DLG2: variants seen among roughly 807,000 people sequenced by gnomAD.
DLG2 encodes the protein discs large MAGUK scaffold protein 2.
Under a neutral mutation model 132.5 loss-of-function variants are expected in DLG2, and 45 were observed. The observed-to-expected ratio is 0.34, with a 90% CI of 0.27 to 0.44. The LOEUF (loss-of-function observed/expected upper bound fraction) is 0.44. Ranked by LOEUF, DLG2 falls within the 20% of genes least tolerant of loss-of-function variation. The probability of loss-of-function intolerance (pLI) is 1.00; values close to 1 mark genes in which losing one functional copy is unlikely to be tolerated. For missense variants in DLG2, 1,045 were observed against 1,196.9 expected, an observed-to-expected ratio of 0.87 and a Z score of 1.87; for synonymous variants, 424 against 419.6, an observed-to-expected ratio of 1.01 and a Z score of -0.13.
At chr11:83,961,092 T>C (rs1591882482) in intron 14 of DLG2, among the ~76,000 whole-genome samples, 1 of 152,190 alleles carries the variant, frequency 6.6e-6, no homozygotes, top group African/African-American at 2.4e-5. Context: ...TTACTGTAAA[T>C]AGATAACATT....
chr11:83,664,568 AT>A (rs1478601007), intron 18 of DLG2, among the ~76,000 whole-genome samples: 2 of 152,120 alleles, frequency 1.3e-5, no homozygotes, highest in Non-Finnish European at 2.9e-5. Context: ...ATGGTTTGGA[AT>A]TAAATGAGGG....
At position 85,330,786 on chromosome 11, in the gene DLG2, AAAAATT is replaced by A. The variant is rs1465945610; in HGVS notation, c.41-45427_41-45422del. 8.8e-5 allele frequency among the ~76,000 whole-genome samples: 9 copies of A among 102,746 alleles called. No individual in the cohort carries two copies. The East Asian group carries it at 9.1e-4, about 10-fold the overall frequency. The allele number at this position is 102,746 out of a possible 152,430, so 67.4% of individuals were successfully genotyped here. On this transcript the variant is annotated intron_variant, in intron 3 of 27. Coordinates refer to ENST00000376104, the MANE Select transcript of DLG2 (RefSeq NM_001142699.3). ...AAAACTTAGAGTATAATAAAAAAAA[AAAAATT>A]AAAAAAAAAAAAAAAAAAAAGAAAA...
In DLG2 at chr11:84,733,942, G is replaced by A. The variant is rs192235126; in HGVS notation, c.358-199211C>T. Among the ~76,000 whole-genome samples, 751 of 152,178 alleles carry A rather than the reference G, an allele frequency of 4.9e-3. 17 individuals are homozygous for A. The highest frequency in any genetic ancestry group is 2.8e-3 in the Admixed American group (43 of 15,272). ...TTGTCAGGTTTGTCAAAGATCAGAT[G>A]GTTGTAGATATGTGGTATTATTTCT... is the stretch of plus-strand genomic sequence containing the variant. On this transcript the variant is annotated intron_variant, in intron 6 of 27. Transcript: ENST00000376104.
chr11:84,634,579 T>A (rs1302887268), intron 6 of DLG2, among the ~76,000 whole-genome samples: 2 of 152,218 alleles, frequency 1.3e-5, no homozygotes, highest in African/African-American at 4.8e-5. Flanking sequence ...CCTTCATTTT[T>A]CTGTCCATAA....
intron 16 of DLG2, among the ~76,000 whole-genome samples, chr11:83,858,109 T>TC (rs2154042315): frequency 6.6e-6 from 1 of 152,262 alleles, no homozygotes; most frequent in Admixed American, 6.5e-5. Flanking sequence ...TCTAGCACAA[T>TC]GAAGCTGGGG....
At position 85,247,980 on chromosome 11, in the gene DLG2, A is replaced by T. The variant is rs187380853; in HGVS notation, c.186+37240T>A. Among the ~76,000 whole-genome samples the T allele has an allele frequency of 3.7e-4, 57 of 152,172 alleles. 2 individuals carry two copies. The highest frequency in any genetic ancestry group is 1.1e-3 in the African/African-American group (47 of 41,534). ...ACTTGCCACCCTGAAGAAACTTAAGACCTTATTTATATCAGCTCTCTGATC... is the reference window on the plus strand; with the variant it reads ...ACTTGCCACCCTGAAGAAACTTAAGTCCTTATTTATATCAGCTCTCTGATC... On this transcript the variant is annotated intron_variant, in intron 4 of 27. Transcript: ENST00000376104.
chr11:85,268,417 T>C (rs1170993894), intron 4 of DLG2, among the ~76,000 whole-genome samples: 6 of 152,204 alleles, frequency 3.9e-5, no homozygotes, highest in South Asian at 2.1e-4. Context: ...ACTGAACCAA[T>C]GGACTTCTTA....
chr11:84,790,146 T>A (rs1389852628), intron 6 of DLG2, among the ~76,000 whole-genome samples: 4 of 152,206 alleles, frequency 2.6e-5, no homozygotes, highest in Non-Finnish European at 5.9e-5. Flanking sequence ...TATTTAGTTT[T>A]TTTTAGGAAC....
At chr11:85,601,810 TC>T (rs2080183281) in intron 2 of DLG2, among the ~76,000 whole-genome samples, 1 of 152,216 alleles carries the variant, frequency 6.6e-6, no homozygotes, top group African/African-American at 2.4e-5. Flanking sequence ...ATTTATTAGT[TC>T]CCTCTAATTT....
At chr11:84,245,897 C>T (rs2097296386) in intron 8 of DLG2, among the ~76,000 whole-genome samples, 1 of 152,222 alleles carries the variant, frequency 6.6e-6, no homozygotes, top group Non-Finnish European at 1.5e-5. Context: ...CAAATACTCA[C>T]TCTTCCCCTA....
At chr11:84,904,782 G>A (rs563594539) in intron 6 of DLG2, among the ~76,000 whole-genome samples, 3 of 152,196 alleles carry the variant, frequency 2.0e-5, no homozygotes, top group East Asian at 3.9e-4. Flanking sequence ...CCCTGCCAAG[G>A]CCCTGCCAAA....
chr11:84,659,413 T>G (rs1454449367), intron 6 of DLG2, among the ~76,000 whole-genome samples: 1 of 152,104 alleles, frequency 6.6e-6, no homozygotes, highest in Non-Finnish European at 1.5e-5. Context: ...CCTCTTAATA[T>G]ATCTCTTGAC....
At chr11:85,519,781 AT>A (rs2074132145) in intron 3 of DLG2, among the ~76,000 whole-genome samples, 1 of 152,034 alleles carries the variant, frequency 6.6e-6, no homozygotes, top group African/African-American at 2.4e-5. Context: ...GTGGGAGGTA[AT>A]TTAATCATGG....
chr11:84,463,865 T>C lies in DLG2; in HGVS notation c.519+70705A>G, dbSNP rs150730429. Among the ~76,000 whole-genome samples, 54 of 151,262 alleles carry C rather than the reference T, an allele frequency of 3.6e-4. No homozygotes were observed. The East Asian group carries it at 9.0e-3, about 25-fold the overall frequency. On this transcript the variant is annotated intron_variant, in intron 7 of 27. Transcript: ENST00000376104. The stretch of plus-strand genomic sequence containing the variant: ...CATACAATACCAGACTTGATCGACC[T>C]ATTATACTCTTTTCTTTAGTAGACT...
rs186514655 is a variant in DLG2 at position 85,211,392 on chromosome 11, C to T, written c.187-56741G>A. Among the ~76,000 whole-genome samples, 703 of 152,160 alleles carry T rather than the reference C, an allele frequency of 4.6e-3. 5 individuals are homozygous for T. The highest frequency in any genetic ancestry group is 0.016 in the African/African-American group (644 of 41,526). ...TTCATAAACAGTTAATAATTTAAATCCTATACATGTTTAAGGTATTGTTAA... is the reference window on the plus strand; with the variant it reads ...TTCATAAACAGTTAATAATTTAAATTCTATACATGTTTAAGGTATTGTTAA... On this transcript the variant is annotated intron_variant, in intron 4 of 27. Transcript: ENST00000376104.
At chr11:83,946,361 G>A (rs1275376523) in intron 14 of DLG2, among the ~76,000 whole-genome samples, 1 of 152,110 alleles carries the variant, frequency 6.6e-6, no homozygotes, top group Non-Finnish European at 1.5e-5. Context: ...ATCTACCTGT[G>A]CATCAGAATC....
chr11:84,348,776 G>C (rs1394279926), intron 7 of DLG2, among the ~76,000 whole-genome samples: 1 of 152,058 alleles, frequency 6.6e-6, no homozygotes, highest in African/African-American at 2.4e-5. Flanking sequence ...TTAAAAGAAG[G>C]GAAAATTTGT....
intron 11 of DLG2, among the ~76,000 whole-genome samples, chr11:84,015,869 A>G (rs563765839): frequency 9.2e-5 from 14 of 152,330 alleles, no homozygotes; most frequent in African/African-American, 3.4e-4. Context: ...TCTTTATAAT[A>G]GAATGATTTA....
At chr11:84,750,992 C>T (rs1256543981) in intron 6 of DLG2, among the ~76,000 whole-genome samples, 1 of 151,882 alleles carries the variant, frequency 6.6e-6, no homozygotes, top group Non-Finnish European at 1.5e-5. Flanking sequence ...AAGAATTTAC[C>T]TGTTATTGGC....
Sources: gnomAD v4.1 joint callset for allele counts (sites outside exome capture counted in the v4.1 genomes callset) on GRCh38, gnomAD v4.1.1 for gene constraint, MANE v1.5 for transcripts, NCBI Gene and HGNC (gene_info 2026-07-23, HGNC 2026-07-21) for gene names.